The following ROBO2 variants were observed in gnomAD, a reference collection of about 807,000 sequenced individuals.
ROBO2 encodes roundabout guidance receptor 2.
ROBO2 carries 53 observed loss-of-function variants against 160.8 expected under a neutral mutation model. That is an observed-to-expected ratio of 0.33 (90% CI 0.26 to 0.41). The LOEUF (loss-of-function observed/expected upper bound fraction) is 0.41, where lower values mean the gene tolerates loss of function less well. Ranked by LOEUF, ROBO2 falls within the 10% of genes least tolerant of loss-of-function variation. The pLI is 1.00. For missense variants in ROBO2, 1,577 were observed against 1,722.4 expected (o/e 0.92, Z 1.49); for synonymous variants, 664 against 611.7 (o/e 1.09, Z -1.26).
At chr3:77,493,699 C>A (rs1180229613) in intron 5 of ROBO2, among the ~76,000 whole-genome samples, 1 of 152,094 alleles carries the variant, frequency 6.6e-6, no homozygotes, top group Non-Finnish European at 1.5e-5. Context: ...GCAGAATGCC[C>A]CCTGCAGGCC....
At chr3:76,672,317 T>G in intron 2 of ROBO2, among the ~76,000 whole-genome samples, 1 of 152,128 alleles carries the variant, frequency 6.6e-6, no homozygotes, top group East Asian at 1.9e-4. Context: ...CTTCTACTTA[T>G]GAACTTGGCC....
At chr3:76,938,234 A>G (rs2077860827) in intron 2 of ROBO2, among the ~76,000 whole-genome samples, 1 of 152,116 alleles carries the variant, frequency 6.6e-6, no homozygotes. Context: ...TGTCACCTGT[A>G]GTCCCAGCTA....
intron 2 of ROBO2, among the ~76,000 whole-genome samples, chr3:77,452,170 G>T (rs1344706751): frequency 6.6e-6 from 1 of 152,020 alleles, no homozygotes; most frequent in African/African-American, 2.4e-5. Context: ...AATTTTGAAA[G>T]TTGATTCATA....
intron 2 of ROBO2, among the ~76,000 whole-genome samples, chr3:76,739,242 A>G (rs551804731): frequency 6.6e-6 from 1 of 152,328 alleles, no homozygotes; most frequent in South Asian, 2.1e-4. Context: ...AATGTCCAAC[A>G]ATGATAGACT....
chr3:76,131,667 T>C (rs1218151336), intron 2 of ROBO2, among the ~76,000 whole-genome samples: 2 of 152,128 alleles, frequency 1.3e-5, no homozygotes, highest in East Asian at 1.9e-4. Flanking sequence ...TGTGATTTTA[T>C]TGGTCATCGT....
intron 2 of ROBO2, among the ~76,000 whole-genome samples, chr3:76,235,773 G>A (rs938701730): frequency 1.3e-5 from 2 of 152,066 alleles, no homozygotes; most frequent in Non-Finnish European, 2.9e-5. Context: ...GTAACTTTAG[G>A]GCATTAATTG....
intron 2 of ROBO2, among the ~76,000 whole-genome samples, chr3:77,251,701 C>T (rs1043140042): frequency 1.3e-5 from 2 of 152,016 alleles, no homozygotes; most frequent in Non-Finnish European, 2.9e-5. Flanking sequence ...ATCACGGGGG[C>T]GGTCTCCCCC....
intron 19 of ROBO2, among the ~76,000 whole-genome samples, chr3:77,600,270 A>G (rs2094404398): frequency 6.6e-6 from 1 of 152,210 alleles, no homozygotes; most frequent in Non-Finnish European, 1.5e-5. Flanking sequence ...CAATATTCCA[A>G]TATTTCGATG....
chr3:76,799,462 T>C (rs1447671095), intron 2 of ROBO2, among the ~76,000 whole-genome samples: 1 of 151,580 alleles, frequency 6.6e-6, no homozygotes, highest in East Asian at 1.9e-4. Context: ...TATGTTCTTA[T>C]ATTTAAAAAA....
At chr3:77,493,495 T>C in intron 5 of ROBO2, 113 bp downstream of exon 5, 2 of 1,200,060 alleles carry the variant, frequency 1.7e-6, no homozygotes, top group Non-Finnish European at 2.4e-6. Context: ...GTACTTTCAC[T>C]CATGTGATTT....
At chr3:76,317,223 A>G (rs2072107605) in intron 2 of ROBO2, among the ~76,000 whole-genome samples, 1 of 152,258 alleles carries the variant, frequency 6.6e-6, no homozygotes, top group African/African-American at 2.4e-5. Flanking sequence ...GACAAAGTAC[A>G]TGGAAAAATA....
intron 2 of ROBO2, among the ~76,000 whole-genome samples, chr3:76,328,807 C>T (rs2073236229): frequency 6.6e-6 from 1 of 151,530 alleles, no homozygotes; most frequent in African/African-American, 2.4e-5. Context: ...TGCAGTGAGC[C>T]GAGATCGCGC....
intron 2 of ROBO2, among the ~76,000 whole-genome samples, chr3:77,252,725 G>A (rs866318843): frequency 2.4e-4 from 35 of 144,778 alleles, no homozygotes; most frequent in Admixed American, 2.2e-3. Context: ...GGAGAATGGC[G>A]TGAATCCGGG....
intron 2 of ROBO2, among the ~76,000 whole-genome samples, chr3:77,205,677 A>T (rs2083367004): frequency 6.6e-6 from 1 of 152,162 alleles, no homozygotes; most frequent in African/African-American, 2.4e-5. Flanking sequence ...ATGCACATGT[A>T]GTCTTAAACC....
At chr3:77,123,740 ATATATAATCTATATAGATACATATC>A (rs1294828685) in intron 2 of ROBO2, among the ~76,000 whole-genome samples, 3 of 99,858 alleles carry the variant, frequency 3.0e-5, no homozygotes, top group African/African-American at 1.3e-4. Flanking sequence ...ATGTATCTAG[ATATATAATCTATATAGATACATATC>A]TATATAGATG....
chr3:77,548,000 C>T (rs899664804), intron 7 of ROBO2, among the ~76,000 whole-genome samples: 1 of 151,322 alleles, frequency 6.6e-6, no homozygotes, highest in African/African-American at 2.4e-5. Flanking sequence ...GAGACAGACA[C>T]ACATATACAC....
At chr3:76,630,149 A>G (rs1386667559) in intron 2 of ROBO2, among the ~76,000 whole-genome samples, 2 of 152,226 alleles carry the variant, frequency 1.3e-5, no homozygotes, top group Non-Finnish European at 2.9e-5. Context: ...GGCTAGGGCC[A>G]TAGTCTGTGT....
At chr3:76,437,564 T>C (rs2076740605) in intron 2 of ROBO2, among the ~76,000 whole-genome samples, 1 of 152,204 alleles carries the variant, frequency 6.6e-6, no homozygotes, top group Non-Finnish European at 1.5e-5. Context: ...TTAGTGTTCT[T>C]CTGAATTCTG....
intron 2 of ROBO2, among the ~76,000 whole-genome samples, chr3:77,027,619 T>A (rs1019955598): frequency 1.3e-5 from 2 of 152,212 alleles, no homozygotes; most frequent in African/African-American, 4.8e-5. Context: ...GCCACATTTA[T>A]GTCAGTATGG....
Sources: allele counts gnomAD v4.1 joint callset (sites outside exome capture counted in the v4.1 genomes callset), GRCh38; gene constraint gnomAD v4.1.1; transcripts MANE v1.5; gene names NCBI Gene and HGNC (gene_info 2026-07-23, HGNC 2026-07-21).